Variants in ESRRG observed in about 807,000 individuals in gnomAD.
The protein encoded by ESRRG is estrogen related receptor gamma.
Under a neutral mutation model 44.0 loss-of-function variants are expected in ESRRG, and 13 were observed. That is an observed-to-expected ratio of 0.30 (90% CI 0.19 to 0.47). The LOEUF (loss-of-function observed/expected upper bound fraction) is 0.47, where lower values mean the gene tolerates loss of function less well. Ranked by LOEUF, ESRRG falls within the 20% of genes least tolerant of loss-of-function variation. The pLI, the probability that ESRRG is intolerant of heterozygous loss-of-function variation, is 1.00. For synonymous variants in ESRRG, 215 were observed against 214.6 expected (o/e 1.00, Z -0.02); for missense variants, 395 against 580.6 (o/e 0.68, Z 3.29).
intron 1 of ESRRG, among the ~76,000 whole-genome samples, chr1:216,977,817 G>T (rs2073242061): frequency 6.6e-6 from 1 of 152,076 alleles, no homozygotes; most frequent in African/African-American, 2.4e-5. Context: ...TCAGGCCATG[G>T]GTGACCGGTC....
At chr1:216,603,952 A>C (rs928684164) in intron 3 of ESRRG, among the ~76,000 whole-genome samples, 15 of 149,246 alleles carry the variant, frequency 1.0e-4, no homozygotes, top group Admixed American at 1.0e-3. Flanking sequence ...AAACAAAAAA[A>C]AAAAAAAAAA....
chr1:216,537,077 G>T (rs1320848452), intron 5 of ESRRG, among the ~76,000 whole-genome samples: 1 of 152,050 alleles, frequency 6.6e-6, no homozygotes, highest in Non-Finnish European at 1.5e-5. Flanking sequence ...TAGACTGACA[G>T]TTTATATTCC....
chr1:216,596,145 T>C (rs2058400578), intron 3 of ESRRG, among the ~76,000 whole-genome samples: 1 of 152,144 alleles, frequency 6.6e-6, no homozygotes, highest in South Asian at 2.1e-4. Flanking sequence ...ACTGCTCTAG[T>C]TTTCCCTAAA....
At chr1:216,978,887 G>A (rs528761187) in intron 1 of ESRRG, among the ~76,000 whole-genome samples, 1 of 152,122 alleles carries the variant, frequency 6.6e-6, no homozygotes, top group East Asian at 1.9e-4. Flanking sequence ...TCAAATTCTG[G>A]GAGCTGATCA....
At chr1:217,010,580 C>T (rs2078418368) in intron 1 of ESRRG, among the ~76,000 whole-genome samples, 1 of 152,116 alleles carries the variant, frequency 6.6e-6, no homozygotes, top group Non-Finnish European at 1.5e-5. Flanking sequence ...CACATATATG[C>T]CATGCATCAA....
chr1:216,514,790 G>A (rs1341785511), intron 6 of ESRRG, among the ~76,000 whole-genome samples: 4 of 152,214 alleles, frequency 2.6e-5, no homozygotes, highest in East Asian at 3.9e-4. Context: ...CAGGCATGTT[G>A]TGGGAATCAA....
At chr1:216,836,238 A>G (rs534045910) in intron 2 of ESRRG, among the ~76,000 whole-genome samples, 1 of 152,308 alleles carries the variant, frequency 6.6e-6, no homozygotes, top group South Asian at 2.1e-4. Context: ...TATTCACAGC[A>G]CAATTTTAGA....
At chr1:216,734,663 A>T (rs1474103647) in intron 2 of ESRRG, among the ~76,000 whole-genome samples, 1 of 152,122 alleles carries the variant, frequency 6.6e-6, no homozygotes, top group Non-Finnish European at 1.5e-5. Context: ...TAAATTACCC[A>T]GTCTCAGGTC....
In ESRRG at chr1:216,985,338, G is replaced by A. The variant is rs187524068; in HGVS notation, c.-105-45665C>T. Among the ~76,000 whole-genome samples the A allele has an allele frequency of 5.9e-5, 9 of 152,310 alleles. No homozygotes were observed. In the East Asian group the frequency reaches 1.7e-3, roughly 29 times the overall value. ...CAACCCACCTCCACGCACTGGAAGA[G>A]GTGAGCCATTACAACTCGGAGTAGC... is the stretch of plus-strand genomic sequence containing the variant. On this transcript the variant is annotated intron_variant, in intron 1 of 7. Coordinates refer to the ESRRG transcript ENST00000359162.
intron 1 of ESRRG, among the ~76,000 whole-genome samples, chr1:217,082,164 T>C (rs79516848): frequency 0.16 from 24,805 of 152,184 alleles, 2,328 homozygotes; most frequent in Admixed American, 0.22. Flanking sequence ...TGAAGTAATA[T>C]GTAAAGTACC....
chr1:216,831,774 C>A (rs974183698), intron 2 of ESRRG, among the ~76,000 whole-genome samples: 1 of 152,064 alleles, frequency 6.6e-6, no homozygotes, highest in African/African-American at 2.4e-5. Flanking sequence ...ATTACTAAGA[C>A]CTTCTTTGGT....
chr1:216,716,180 G>A (rs1374953704), intron 1 of ESRRG, among the ~76,000 whole-genome samples: 9 of 151,970 alleles, frequency 5.9e-5, no homozygotes, highest in Non-Finnish European at 1.0e-4. Flanking sequence ...AGCCACTGAG[G>A]TTCACCACTT....
chr1:216,642,060 C>CAAATACAT (rs2066539014), intron 3 of ESRRG, among the ~76,000 whole-genome samples: 1 of 152,094 alleles, frequency 6.6e-6, no homozygotes, highest in African/African-American at 2.4e-5. Flanking sequence ...AATCCCAAGC[C>CAAATACAT]AAATACATAC....
chr1:216,507,104 A>G lies in ESRRG; in HGVS notation c.1212T>C (p.Ala404=). Residue 404 remains alanine, a synonymous_variant, in exon 7 of 7, where the codon GCT becomes GCC. Transcript: ENST00000408911. ...GACGAGGGTCTTCCATGTGCTGGCC[A>G]GCTTCATAATCCTGCAGCGCTTCAT... ...VLHEALQDYE[A]GQHMEDPRRA... is the part of the protein sequence containing the mutation. 1 of 1,614,052 alleles carries G rather than the reference A, an allele frequency of 6.2e-7. No homozygotes were observed. Among genetic ancestry groups the G allele is most frequent in the Middle Eastern group, 1.7e-4 (1 of 5,950 alleles).
chr1:217,061,173 A>C (rs1397923846), intron 1 of ESRRG, among the ~76,000 whole-genome samples: 1 of 152,054 alleles, frequency 6.6e-6, no homozygotes, highest in African/African-American at 2.4e-5. Context: ...CAAAGACAAA[A>C]ATGAAGCTTT....
chr1:216,746,138 T>C (rs1402816296), intron 2 of ESRRG, among the ~76,000 whole-genome samples: 2 of 152,194 alleles, frequency 1.3e-5, no homozygotes, highest in African/African-American at 2.4e-5. Flanking sequence ...GTAGATATTA[T>C]GGTGATAATG....
chr1:216,855,721 G>A (rs1028121112), intron 2 of ESRRG, among the ~76,000 whole-genome samples: 3 of 152,074 alleles, frequency 2.0e-5, no homozygotes, highest in Admixed American at 1.3e-4. Context: ...TCCCCAGCAA[G>A]GCAAAACACC....
intron 1 of ESRRG, among the ~76,000 whole-genome samples, chr1:216,977,856 C>A (rs937468632): frequency 1.5e-4 from 23 of 152,138 alleles, no homozygotes; most frequent in African/African-American, 5.5e-4. Context: ...CTTTATTATT[C>A]AGGAGTGGGT....
At chr1:216,814,699 A>T (rs1291581832) in intron 2 of ESRRG, among the ~76,000 whole-genome samples, 3 of 152,146 alleles carry the variant, frequency 2.0e-5, no homozygotes, top group Non-Finnish European at 4.4e-5. Context: ...ACACCTTCAC[A>T]ACTATAAACT....
Sources: gnomAD v4.1 joint callset for allele counts (sites outside exome capture counted in the v4.1 genomes callset) on GRCh38, gnomAD v4.1.1 for gene constraint, MANE v1.5 for transcripts, NCBI Gene and HGNC (gene_info 2026-07-23, HGNC 2026-07-21) for gene names.